Variants in LCT observed in about 807,000 individuals in gnomAD.
LCT encodes lactase/phlorizin hydrolase.
A neutral mutation model predicts 173.0 loss-of-function variants in LCT; 90 were observed. That is an observed-to-expected ratio of 0.52 (90% CI 0.44 to 0.62). The LOEUF is 0.62. Among genes scored for constraint, LCT ranks in the 20% least tolerant of loss-of-function variants. The pLI, the probability that LCT is intolerant of heterozygous loss-of-function variation, is 0.00. For synonymous variants in LCT, 853 were observed against 957.6 expected, an observed-to-expected ratio of 0.89 and a Z score of 2.02; for missense variants, 1,864 against 2,431.4, an observed-to-expected ratio of 0.77 and a Z score of 4.91.
intron 8 of LCT, 43 bp downstream of exon 8, chr2:135,808,400 A>C: frequency 1.4e-6 from 2 of 1,458,964 alleles, no homozygotes; most frequent in Non-Finnish European, 1.9e-6. Flanking sequence ...TGACCCAGGG[A>C]ATGTTGGAAG....
At chr2:135,807,045 T>C in intron 9 of LCT, 83 bp downstream of exon 9, 1 of 1,494,416 alleles carries the variant, frequency 6.7e-7, no homozygotes, top group Non-Finnish European at 9.3e-7. Context: ...TGTTCATGCA[T>C]CTGCCCTTCC....
Position 135,808,504 on chromosome 2 carries a change from C to G in LCT, c.3843G>C (p.Pro1281=), listed in dbSNP as rs1265181323. The change falls in exon 8 of 17, where the codon CCG becomes CCC. Residue 1281 remains proline, a synonymous_variant. Transcript: ENST00000264162. ...ITENGVGLTN[P]NTEDTDRIFY... is the part of the protein sequence containing the mutation. ...ATATCCTATCAGTATCCTCCGTGTT[C>G]GGATTGGTCAGCCCCACTCCGTTTT... 1 of 1,614,056 alleles carries G rather than the reference C, an allele frequency of 6.2e-7. No homozygotes were observed. Among genetic ancestry groups the G allele is most frequent in the Non-Finnish European group, 8.5e-7 (1 of 1,180,046 alleles).
chr2:135,794,908 AAGG>A (rs1269111204), intron 13 of LCT, 133 bp from the exon 14 acceptor site: 31 of 1,021,610 alleles, frequency 3.0e-5, no homozygotes, highest in Non-Finnish European at 4.1e-5. Context: ...ACTGGCAGGG[AAGG>A]AGAAGAGGTC....
intron 11 of LCT, among the ~76,000 whole-genome samples, chr2:135,802,620 A>T (rs2077636012): frequency 6.6e-6 from 1 of 152,236 alleles, no homozygotes; most frequent in South Asian, 2.1e-4. Flanking sequence ...ACAGAAAGGC[A>T]AATACTGCAT....
At position 135,808,738 on chromosome 2, in the gene LCT, G is replaced by A. The variant is rs1037611004; in HGVS notation, c.3609C>T (p.Val1203=). 2 of 1,614,218 alleles carry A rather than the reference G, an allele frequency of 1.2e-6. No homozygotes were observed. The highest frequency in any genetic ancestry group is 1.7e-6 in the Non-Finnish European group (2 of 1,180,022). ...TGGAGTAGTACGTGTTGAGGCAGAA[G>A]ACGTCGGCCGTCGCCCTGATGAACC... is the stretch of plus-strand genomic sequence containing the variant. ...EKRFIRATAD[V]FCLNTYYSRI... Residue 1203 remains valine, a synonymous_variant, in exon 8 of 17, where the codon GTC becomes GTT. Transcript: ENST00000264162.
intron 1 of LCT, 28 bp from the exon 2 acceptor site, chr2:135,833,218 A>G: frequency 1.3e-6 from 2 of 1,543,510 alleles, no homozygotes; most frequent in Non-Finnish European, 1.8e-6. Flanking sequence ...CACGAACAGC[A>G]GGTGAGCGAG....
chr2:135,806,722 G>A (rs2077678027), intron 9 of LCT, among the ~76,000 whole-genome samples: 1 of 152,238 alleles, frequency 6.6e-6, no homozygotes, highest in African/African-American at 2.4e-5. Context: ...GCCTAGGTGT[G>A]TAGTAAGCTA....
intron 2 of LCT, among the ~76,000 whole-genome samples, chr2:135,830,174 C>T (rs942918205): frequency 6.6e-6 from 1 of 152,120 alleles, no homozygotes; most frequent in Non-Finnish European, 1.5e-5. Context: ...AAGTCCACCC[C>T]CAGTTATCCC....
rs2077620425 is a variant in LCT, at chr2:135,800,823, C to T, written c.4664-14G>A. On this transcript the variant is annotated splice_polypyrimidine_tract_variant and intron_variant, in intron 11 of 16. Coordinates refer to ENST00000264162, the MANE Select transcript of LCT (RefSeq NM_002299.4). ...TATTGGAGACTCCTGGAAACATACA[C>T]ATGGATGTCAACAGAGAATGGATAG... 1 of 1,588,594 alleles carries T rather than the reference C, an allele frequency of 6.3e-7. No individual in the cohort carries two copies. The highest frequency in any genetic ancestry group is 8.6e-7 in the Non-Finnish European group (1 of 1,157,116).
Position 135,812,550 on chromosome 2 carries a change from G to T in LCT, c.2114C>A (p.Thr705Asn). 1 of 1,614,140 alleles carries T rather than the reference G, an allele frequency of 6.2e-7. No homozygotes were observed. ...PQNTCIPSYD[T>N]IGGFSQHVNH... is the part of the protein sequence containing the mutation. ...CACGTGTTGGGAGAAGCCTCCAATG[G>T]TATCATAGCTAGGGATGCAGGTGTT... Residue 705 changes from threonine (T) to asparagine (N), a missense_variant, in exon 7 of 17, where the codon ACC becomes AAC. Thr to Asn is a moderately conservative substitution (Grantham distance 65, BLOSUM62 0). Around this residue, in one of 4 missense-constraint regions of LCT, gnomAD observed 755 missense variants for 926.3 expected, o/e 0.82. Coordinates refer to ENST00000264162, the MANE Select transcript of LCT (RefSeq NM_002299.4).
Position 135,804,901 on chromosome 2 carries a change from C to T in LCT, c.4330G>A (p.Val1444Met), listed in dbSNP as rs757039689. The T allele has an allele frequency of 5.0e-6, 8 of 1,614,052 alleles. No individual in the cohort carries two copies. Among genetic ancestry groups the T allele is most frequent in the African/African-American group, 1.3e-5 (1 of 74,922 alleles). Residue 1444 changes from valine (V) to methionine (M), a missense_variant, in exon 10 of 17, where the codon GTG becomes ATG. Around this residue, in one of 4 missense-constraint regions of LCT, gnomAD observed 514 missense variants for 750.1 expected, o/e 0.69. Coordinates refer to ENST00000264162, the MANE Select transcript of LCT (RefSeq NM_002299.4). ...GAGATGGAAAAACGGTAGTGGGACACGCCCAGGTTCTGCAGGGTGACCAGA... is the reference window on the plus strand; with the variant it reads ...GAGATGGAAAAACGGTAGTGGGACATGCCCAGGTTCTGCAGGGTGACCAGA... Reference protein sequence around the residue: ...EDLVTLQNLGVSHYRFSISWS... With the variant: ...EDLVTLQNLGMSHYRFSISWS...
At chr2:135,827,457 A>G (rs1249003205) in intron 3 of LCT, among the ~76,000 whole-genome samples, 1 of 152,112 alleles carries the variant, frequency 6.6e-6, no homozygotes, top group Non-Finnish European at 1.5e-5. Context: ...GCTGTTACTC[A>G]GATGTCTTTG....
At chr2:135,824,917 C>T (rs1196538728) in intron 3 of LCT, among the ~76,000 whole-genome samples, 2 of 150,056 alleles carry the variant, frequency 1.3e-5, no homozygotes, top group East Asian at 3.9e-4. Context: ...ACAGGAGAAT[C>T]GCTCGAACTC....
chr2:135,798,058 C>A lies in LCT; in HGVS notation c.4947G>T (p.Arg1649Ser), dbSNP rs759920127. 6 of 1,612,198 alleles carry A rather than the reference C, an allele frequency of 3.7e-6. No homozygotes were observed. The highest frequency in any genetic ancestry group is 4.2e-6 in the Non-Finnish European group (5 of 1,178,406). Residue 1649 changes from arginine to serine, a missense_variant, in exon 13 of 17, where the codon AGG becomes AGT. Arg to Ser is a moderately radical substitution (Grantham distance 110). Around this residue, in one of 4 missense-constraint regions of LCT, gnomAD observed 514 missense variants for 750.1 expected, o/e 0.69. Transcript: ENST00000264162. ...ACTTGTTGAGGCCTGCAGCCAAGCT[C>A]CTGTCACGGATCCGCGTCTTCATCA... ...NEVMKTRIRD[R>S]SLAAGLNKSR... is the part of the protein sequence containing the mutation.
chr2:135,827,342 C>T (rs1332690774), intron 3 of LCT, among the ~76,000 whole-genome samples: 3 of 152,160 alleles, frequency 2.0e-5, no homozygotes, highest in Non-Finnish European at 2.9e-5. Context: ...CTGGAGCTCA[C>T]CACCTTGGTT....
At chr2:135,835,516 ATATATATATATATATC>A (rs1377494512) in intron 1 of LCT, among the ~76,000 whole-genome samples, 1 of 130,712 alleles carries the variant, frequency 7.7e-6, no homozygotes, top group Non-Finnish European at 1.6e-5. Flanking sequence ...ATATATATAT[ATATATATATATATATC>A]AGGTACTATA....
intron 3 of LCT, among the ~76,000 whole-genome samples, chr2:135,827,805 C>T (rs1262239536): frequency 6.6e-6 from 1 of 152,140 alleles, no homozygotes; most frequent in Non-Finnish European, 1.5e-5. Context: ...GGCCATGGAC[C>T]AGTACTGGTG....
At chr2:135,800,105 C>T (rs2077613485) in intron 12 of LCT, among the ~76,000 whole-genome samples, 2 of 152,212 alleles carry the variant, frequency 1.3e-5, no homozygotes, top group African/African-American at 4.8e-5. Flanking sequence ...TCACTTTCAT[C>T]ACAGCAAACT....
chr2:135,794,301 A>AT, intron 14 of LCT: 1 of 233,374 alleles, frequency 4.3e-6, no homozygotes, highest in South Asian at 7.8e-5. Flanking sequence ...AACCTAAACA[A>AT]TTTTTTTCTT....
Sources: allele counts gnomAD v4.1 joint callset (sites outside exome capture counted in the v4.1 genomes callset), GRCh38; gene constraint gnomAD v4.1.1; regional missense constraint gnomAD v4.1.1; transcripts MANE v1.5; gene names NCBI Gene and HGNC (gene_info 2026-07-23, HGNC 2026-07-21).